NBAS: variants seen among roughly 807,000 people sequenced by gnomAD.
NBAS encodes NAG/BC035112 fusion.
In NBAS, 219 loss-of-function variants were observed where a neutral mutation model predicts 302.5. The observed-to-expected ratio is 0.72, with a 90% CI of 0.65 to 0.81. The LOEUF (loss-of-function observed/expected upper bound fraction) is 0.81. NBAS is among the 30% of genes least tolerant of loss of function. The pLI is 0.00. For synonymous variants in NBAS, 1,118 were observed against 1,021.6 expected, an observed-to-expected ratio of 1.09 and a Z score of -1.80; for missense variants, 2,932 against 2,841.6, an observed-to-expected ratio of 1.03 and a Z score of -0.72.
chr2:15,425,044 A>C (rs146785210), intron 22 of NBAS, among the ~76,000 whole-genome samples: 1 of 150,070 alleles, frequency 6.7e-6, no homozygotes, highest in East Asian at 1.9e-4. Flanking sequence ...ATCAACTGTG[A>C]AAAAAAAAAG....
At position 15,234,634 on chromosome 2, in the gene NBAS, C is replaced by T. The variant is rs773935072; in HGVS notation, c.6057G>A (p.Gln2019=). The change falls in exon 46 of 52, where the codon CAG becomes CAA. Residue 2019 remains glutamine (Q), a synonymous_variant. Coordinates refer to ENST00000281513, the MANE Select transcript of NBAS (RefSeq NM_015909.4). ...GGCCAACTGCCACCTCTAGCAGCTG[C>T]TGAATCATTGCTAGAGGCTGACCAT... The part of the protein sequence containing the change: ...CLDGQPLAMI[Q]QLLEVAVGPL... 1 of 1,614,110 alleles carries T rather than the reference C, an allele frequency of 6.2e-7. No homozygotes were observed. Among genetic ancestry groups the T allele is most frequent in the Non-Finnish European group, 8.5e-7 (1 of 1,179,978 alleles).
In NBAS at chr2:15,389,199, C is replaced by T. The variant is rs558019149; in HGVS notation, c.3257+5028G>A. On this transcript the variant is annotated intron_variant, in intron 28 of 51. Coordinates refer to ENST00000281513, the MANE Select transcript of NBAS (RefSeq NM_015909.4). ...GGTAGATGAGTAGTTCTCCAACTCC[C>T]AGATGACCCCAGCAATACTGAGCCC... Among the ~76,000 whole-genome samples the T allele has an allele frequency of 3.2e-4, 48 of 152,310 alleles. No individual in the cohort carries two copies. The South Asian group carries it at 9.7e-3, about 31-fold the overall frequency.
rs570485135 is a variant in NBAS at position 15,514,714 on chromosome 2, A to C, written c.747-3364T>G. Among the ~76,000 whole-genome samples, 10 of 151,942 alleles carry C rather than the reference A, an allele frequency of 6.6e-5. No individual in the cohort carries two copies. The South Asian group carries it at 2.1e-3, about 32-fold the overall frequency. On this transcript the variant is annotated intron_variant, in intron 9 of 51. Coordinates refer to ENST00000281513, the MANE Select transcript of NBAS (RefSeq NM_015909.4). Reference sequence around the variant, plus strand: ...TATAATATATAATTTCTACTAATTAAATTTATGTTAACATATGTCTGAAAC... The same window carrying C: ...TATAATATATAATTTCTACTAATTACATTTATGTTAACATATGTCTGAAAC...
chr2:15,365,319 A>G (rs2148336436), intron 32 of NBAS, among the ~76,000 whole-genome samples: 1 of 152,336 alleles, frequency 6.6e-6, no homozygotes, highest in African/African-American at 2.4e-5. Context: ...GGCACCTCTG[A>G]GCTGCTTTGT....
chr2:14,998,948 C>A, the NBAS span, among the ~76,000 whole-genome samples: 2,138 of 152,240 alleles, frequency 0.014, 42 homozygotes, highest in African/African-American at 0.04. Flanking sequence ...TCGAATTAGT[C>A]CTAATTAATG....
At chr2:15,170,200 C>T (rs552238039) in intron 51 of NBAS, among the ~76,000 whole-genome samples, 12 of 152,190 alleles carry the variant, frequency 7.9e-5, no homozygotes, top group East Asian at 1.9e-4. Flanking sequence ...GTTCTGTTAA[C>T]GCCTGCGGCC....
At chr2:14,968,513 C>A in the NBAS span, among the ~76,000 whole-genome samples, 1 of 151,966 alleles carries the variant, frequency 6.6e-6, no homozygotes, top group African/African-American at 2.4e-5. Flanking sequence ...CCACCATGTG[C>A]TGTAACATCA....
At chr2:15,145,401 ATGTGTGTGTGTGTGTGTGTG>A in the NBAS span, among the ~76,000 whole-genome samples, 3 of 148,114 alleles carry the variant, frequency 2.0e-5, no homozygotes, top group African/African-American at 5.0e-5. Context: ...GTTTGTTTGT[ATGTGTGTGTGTGTGTGTGTG>A]TGTGTGTGTG....
chr2:14,895,504 A>C, the NBAS span, among the ~76,000 whole-genome samples: 35,333 of 151,778 alleles, frequency 0.23, 7,615 homozygotes, highest in African/African-American at 0.58. Flanking sequence ...TTTGGGAGGA[A>C]AAGGCGGGTG....
chr2:14,891,964 G>T, the NBAS span, among the ~76,000 whole-genome samples: 1 of 152,110 alleles, frequency 6.6e-6, no homozygotes, highest in Non-Finnish European at 1.5e-5. Context: ...ATTATTTCCT[G>T]GCCAAAACCA....
chr2:15,020,718 T>C, the NBAS span, among the ~76,000 whole-genome samples: 1 of 152,000 alleles, frequency 6.6e-6, no homozygotes, highest in Non-Finnish European at 1.5e-5. Context: ...GATATGAGAG[T>C]GGCTTTTGTG....
At chr2:14,848,612 C>A in the NBAS span, among the ~76,000 whole-genome samples, 1 of 140,078 alleles carries the variant, frequency 7.1e-6, no homozygotes, top group Non-Finnish European at 1.5e-5. Context: ...GTAGGCTCCA[C>A]CTCTGGGGGC....
chr2:14,928,490 A>G, the NBAS span, among the ~76,000 whole-genome samples: 1 of 152,228 alleles, frequency 6.6e-6, no homozygotes, highest in African/African-American at 2.4e-5. Flanking sequence ...TATGAGATCT[A>G]GTCATATAAT....
chr2:15,343,765 A>G (rs1276692539), intron 35 of NBAS, among the ~76,000 whole-genome samples: 1 of 151,978 alleles, frequency 6.6e-6, no homozygotes, highest in Non-Finnish European at 1.5e-5. Context: ...TTCAGAAAAA[A>G]AGCACAGGAG....
intron 48 of NBAS, among the ~76,000 whole-genome samples, chr2:15,204,026 T>C (rs1482709542): frequency 6.6e-6 from 1 of 151,444 alleles, no homozygotes; most frequent in African/African-American, 2.4e-5. Flanking sequence ...CTTTGGGAGG[T>C]TGGGGCAGCA....
intron 40 of NBAS, among the ~76,000 whole-genome samples, chr2:15,301,172 G>A (rs994270178): frequency 6.6e-6 from 1 of 152,082 alleles, no homozygotes; most frequent in Non-Finnish European, 1.5e-5. Context: ...CTGCTTCTCT[G>A]GAAACAAAGC....
chr2:15,238,103 C>A (rs766940442), intron 45 of NBAS, among the ~76,000 whole-genome samples: 2 of 151,984 alleles, frequency 1.3e-5, no homozygotes, highest in Non-Finnish European at 2.9e-5. Context: ...TTAATTCTAC[C>A]AGCTAGAAGT....
At chr2:14,996,885 A>T in the NBAS span, among the ~76,000 whole-genome samples, 1 of 152,212 alleles carries the variant, frequency 6.6e-6, no homozygotes, top group Admixed American at 6.5e-5. Context: ...TCTCCATCCC[A>T]AGGAACTCAA....
chr2:15,443,795 T>C (rs1436606662), intron 21 of NBAS, among the ~76,000 whole-genome samples: 3 of 151,994 alleles, frequency 2.0e-5, no homozygotes, highest in Non-Finnish European at 4.4e-5. Context: ...GATAAGCAAC[T>C]TCAGCAAAGT....
Sources: gnomAD v4.1 joint callset for allele counts (sites outside exome capture counted in the v4.1 genomes callset) on GRCh38, gnomAD v4.1.1 for gene constraint, MANE v1.5 for transcripts, NCBI Gene and HGNC (gene_info 2026-07-23, HGNC 2026-07-21) for gene names.